TMEM232: variants seen among roughly 807,000 people sequenced by gnomAD.
TMEM232 encodes the protein transmembrane protein 232.
Under a neutral mutation model 78.8 loss-of-function variants are expected in TMEM232, and 80 were observed. That is an observed-to-expected ratio of 1.01 (90% confidence interval 0.85 to 1.22). The LOEUF (loss-of-function observed/expected upper bound fraction) is 1.22, where lower values mean the gene tolerates loss of function less well. Ranked by LOEUF, TMEM232 falls within the 50% of genes most tolerant of loss-of-function variation. TMEM232 has a pLI of 0.00. For missense variants in TMEM232, 881 were observed against 742.2 expected, an observed-to-expected ratio of 1.19 and a Z score of -2.17; for synonymous variants, 297 against 254.3, an observed-to-expected ratio of 1.17 and a Z score of -1.60.
At chr5:110,551,581 T>C (rs1033119346) in intron 11 of TMEM232, among the ~76,000 whole-genome samples, 2 of 152,146 alleles carry the variant, frequency 1.3e-5, no homozygotes, top group Admixed American at 6.5e-5. Context: ...GGAGTAGAAG[T>C]AGTATTTGAA....
At chr5:110,612,250 A>C (rs1431766263) in intron 8 of TMEM232, among the ~76,000 whole-genome samples, 1 of 152,144 alleles carries the variant, frequency 6.6e-6, no homozygotes, top group Non-Finnish European at 1.5e-5. Flanking sequence ...ACTAAAATTC[A>C]TGTCTTCTGG....
In TMEM232 at chr5:110,464,162, A is replaced by G. The variant is rs150797498; in HGVS notation, c.1704-39246T>C. ...CATTTGTTGTCCCCATTCAAGAACT[A>G]TAAGAGGAAGGAATATAGTTCCTTA... is the stretch of plus-strand genomic sequence containing the variant. On this transcript the variant is annotated intron_variant, in intron 12 of 13. Coordinates refer to ENST00000455884, the MANE Select transcript of TMEM232 (RefSeq NM_001039763.4). Among the ~76,000 whole-genome samples the G allele has an allele frequency of 1.0e-3, 152 of 152,324 alleles. 1 individual carries two copies. The East Asian group carries it at 0.015, about 15-fold the overall frequency.
chr5:110,469,817 C>T (rs1762477466), intron 12 of TMEM232, among the ~76,000 whole-genome samples: 1 of 152,130 alleles, frequency 6.6e-6, no homozygotes, highest in Non-Finnish European at 1.5e-5. Context: ...CATTCTATGT[C>T]CCAGGGGAAA....
intron 12 of TMEM232, among the ~76,000 whole-genome samples, chr5:110,456,364 C>T (rs1384229450): frequency 4.0e-5 from 6 of 151,712 alleles, no homozygotes. Flanking sequence ...AATCTATATG[C>T]AACAAAGTAA....
chr5:110,509,312 G>A (rs1767411218), intron 12 of TMEM232, among the ~76,000 whole-genome samples: 1 of 151,912 alleles, frequency 6.6e-6, no homozygotes, highest in Admixed American at 6.6e-5. Context: ...GTGTGTGCCT[G>A]TACTCCTAGC....
intron 1 of TMEM232, among the ~76,000 whole-genome samples, chr5:110,689,959 TC>T (rs1478248882): frequency 2.0e-5 from 3 of 152,130 alleles, no homozygotes; most frequent in Admixed American, 2.0e-4. Flanking sequence ...CTGGACCCCT[TC>T]CTTACACCTT....
intron 2 of TMEM232, 85 bp downstream of exon 2, chr5:110,667,143 T>G: frequency 8.9e-7 from 1 of 1,120,520 alleles, no homozygotes; most frequent in South Asian, 1.7e-5. Context: ...GTTAGAGAAC[T>G]ATGGGTGAAT....
At chr5:110,403,023 GAAAC>G (rs1001712675) in intron 2 of TMEM232, among the ~76,000 whole-genome samples, 9 of 152,070 alleles carry the variant, frequency 5.9e-5, no homozygotes, top group African/African-American at 1.7e-4. Context: ...CAAGAAATAA[GAAAC>G]AAAAAGAAAA....
At chr5:110,570,928 T>C (rs1012103284) in intron 10 of TMEM232, among the ~76,000 whole-genome samples, 1 of 152,134 alleles carries the variant, frequency 6.6e-6, no homozygotes, top group East Asian at 1.9e-4. Flanking sequence ...CCCCTCTTGC[T>C]AATACACTAC....
intron 12 of TMEM232, among the ~76,000 whole-genome samples, chr5:110,479,470 T>C (rs1056752667): frequency 6.6e-6 from 1 of 151,794 alleles, no homozygotes; most frequent in Non-Finnish European, 1.5e-5. Flanking sequence ...CCTTCTCAAA[T>C]ACAACCTCTA....
At chr5:110,700,247 A>G (rs372245134) in intron 1 of TMEM232, among the ~76,000 whole-genome samples, 9 of 152,060 alleles carry the variant, frequency 5.9e-5, no homozygotes, top group African/African-American at 2.2e-4. Flanking sequence ...AGATTTGAAA[A>G]GGTTTTCAAA....
chr5:110,719,128 CTTT>C (rs1797317311), intron 1 of TMEM232, among the ~76,000 whole-genome samples: 1 of 151,802 alleles, frequency 6.6e-6, no homozygotes, highest in Non-Finnish European at 1.5e-5. Context: ...ATGCAATCAT[CTTT>C]GACTGAAATA....
chr5:110,563,154 G>A (rs1230399222), intron 11 of TMEM232, among the ~76,000 whole-genome samples: 1 of 151,872 alleles, frequency 6.6e-6, no homozygotes, highest in African/African-American at 2.4e-5. Context: ...TGTCTTCTAA[G>A]CATTGAAAAC....
intron 12 of TMEM232, among the ~76,000 whole-genome samples, chr5:110,436,198 C>T (rs931782405): frequency 1.3e-5 from 2 of 151,958 alleles, no homozygotes; most frequent in Admixed American, 6.6e-5. Context: ...TTGCATTTCT[C>T]GGATGATTAA....
At chr5:110,516,056 G>T (rs6594454) in intron 12 of TMEM232, among the ~76,000 whole-genome samples, 4 of 151,988 alleles carry the variant, frequency 2.6e-5, no homozygotes, top group South Asian at 2.1e-4. Context: ...TGGCTAACAC[G>T]GTGAAACCCA....
At chr5:110,696,322 T>G (rs1794776038) in intron 1 of TMEM232, among the ~76,000 whole-genome samples, 1 of 152,158 alleles carries the variant, frequency 6.6e-6, no homozygotes, top group Non-Finnish European at 1.5e-5. Context: ...AAGAGCTATC[T>G]ATGACAAACC....
chr5:110,667,096 A>G (rs1347440878), intron 2 of TMEM232, 132 bp downstream of exon 2: 1 of 696,020 alleles, frequency 1.4e-6, no homozygotes, highest in Non-Finnish European at 2.3e-6. Flanking sequence ...AAACAAGGCT[A>G]TTAAACAAAT....
At chr5:110,656,731 A>G (rs1789124704) in intron 2 of TMEM232, among the ~76,000 whole-genome samples, 1 of 151,832 alleles carries the variant, frequency 6.6e-6, no homozygotes, top group Admixed American at 6.6e-5. Context: ...CCAGCTACTC[A>G]GGAGGCTGAG....
intron 12 of TMEM232, among the ~76,000 whole-genome samples, chr5:110,452,466 A>G (rs1179699525): frequency 2.0e-5 from 3 of 152,170 alleles, no homozygotes; most frequent in Non-Finnish European, 2.9e-5. Flanking sequence ...TGTGTGCACA[A>G]AGAAAAACCC....
Sources: allele counts gnomAD v4.1 joint callset (sites outside exome capture counted in the v4.1 genomes callset), GRCh38; gene constraint gnomAD v4.1.1; transcripts MANE v1.5; gene names NCBI Gene and HGNC (gene_info 2026-07-23, HGNC 2026-07-21).